Variants in GPCPD1 observed in about 807,000 individuals in gnomAD.
The protein encoded by GPCPD1 is glycerophosphocholine phosphodiesterase GPCPD1.
In GPCPD1, 29 loss-of-function variants were observed where a neutral mutation model predicts 89.2. The observed-to-expected ratio is 0.33, with a 90% CI of 0.24 to 0.44. GPCPD1 has a LOEUF of 0.44. Ranked by LOEUF, GPCPD1 falls within the 20% of genes least tolerant of loss-of-function variation. GPCPD1 has a pLI of 1.00. For synonymous variants in GPCPD1, 258 were observed against 266.3 expected (o/e 0.97, Z 0.30); for missense variants, 594 against 808.9 (o/e 0.73, Z 3.22).
At chr20:5,553,084 CTGTGTTTCTTACAAATTGAAGCTT>C (rs1985525239) in intron 19 of GPCPD1, among the ~76,000 whole-genome samples, 1 of 152,184 alleles carries the variant, frequency 6.6e-6, no homozygotes, top group Non-Finnish European at 1.5e-5. Context: ...TTTTCAGATA[CTGTGTTTCTTACAAATTGAAGCTT>C]TGTGACCACC....
rs1985347173 is a variant in GPCPD1 at position 5,550,528 on chromosome 20, T to C, written c.1830-2678A>G. Among the ~76,000 whole-genome samples, 5 of 152,300 alleles carry C rather than the reference T, an allele frequency of 3.3e-5. No individual in the cohort carries two copies. In the South Asian group the frequency reaches 1.0e-3, roughly 32 times the overall value. ...CCAGACCCACAAGAAAACACATCTC[T>C]ATAGAATTCCCAAACTCTGGTAATA... On this transcript the variant is annotated intron_variant, in intron 19 of 19. Transcript: ENST00000379019.
chr20:5,565,167 GGAAA>G (rs1251658498), intron 14 of GPCPD1, 89 bp from the exon 15 acceptor site: 2 of 746,042 alleles, frequency 2.7e-6, no homozygotes, highest in East Asian at 2.5e-5. Context: ...AAAAAAACAG[GGAAA>G]GAGAGAGAGA....
In GPCPD1 at chr20:5,575,952, C is replaced by T. The variant is rs753417437; in HGVS notation, c.732G>A (p.Gln244=). The change falls in exon 9 of 20, where the codon CAG becomes CAA. Residue 244 remains glutamine, a synonymous_variant. Transcript: ENST00000379019. ...CCACATGTCCAGGAAGGGCATCACC[C>T]TGAACTACGTGCTCACTGAGATCTT... ...FEEDLSEHVV[Q]GDALPGHVGT... The T allele has an allele frequency of 1.3e-6, 2 of 1,599,438 alleles. No homozygotes were observed. Among genetic ancestry groups the T allele is most frequent in the South Asian group, 2.2e-5 (2 of 90,024 alleles).
At chr20:5,597,849 T>C (rs750630927) in intron 3 of GPCPD1, among the ~76,000 whole-genome samples, 9 of 152,230 alleles carry the variant, frequency 5.9e-5, no homozygotes, top group Non-Finnish European at 1.2e-4. Context: ...AGTTTACTGA[T>C]GGATTCAATG....
At chr20:5,597,873 C>T (rs1979841438) in intron 3 of GPCPD1, among the ~76,000 whole-genome samples, 2 of 152,190 alleles carry the variant, frequency 1.3e-5, no homozygotes, top group Admixed American at 1.3e-4. Context: ...CTAGTGAATA[C>T]ATTTCTTCAT....
At chr20:5,573,743 CA>C (rs1377268066) in intron 11 of GPCPD1, among the ~76,000 whole-genome samples, 171 bp downstream of exon 11, 2 of 150,206 alleles carry the variant, frequency 1.3e-5, no homozygotes. Flanking sequence ...GACCCTGTCT[CA>C]AAAAAAAAGA....
intron 4 of GPCPD1, among the ~76,000 whole-genome samples, chr20:5,588,020 C>T (rs959327258): frequency 6.6e-6 from 1 of 152,222 alleles, no homozygotes; most frequent in African/African-American, 2.4e-5. Flanking sequence ...TAATAGTTCA[C>T]CTTAATTGGT....
chr20:5,557,982 A>G lies in GPCPD1; in HGVS notation c.1792T>C (p.Leu598=). 2 of 1,602,436 alleles carry G rather than the reference A, an allele frequency of 1.2e-6. No homozygotes were observed. The highest frequency in any genetic ancestry group is 3.4e-5 in the Admixed American group (2 of 59,610). ...AGACCATTAACTCCAAGTTCCTTCA[A>G]TTTCCTTCTGTTTTCAGGATCATTG... ...DTNDPENRRK[L]KELGVNGLIY... The change falls in exon 19 of 20, where the codon TTG becomes CTG. Residue 598 remains leucine, a synonymous_variant. Transcript: ENST00000379019.
intron 6 of GPCPD1, among the ~76,000 whole-genome samples, chr20:5,582,731 A>G (rs1978627637): frequency 6.6e-6 from 1 of 151,934 alleles, no homozygotes; most frequent in African/African-American, 2.4e-5. Context: ...TCTACTAAAA[A>G]TACAAAAATT....
In GPCPD1 at chr20:5,547,219, C is replaced by A. The variant is rs1226894171; in HGVS notation, c.*442G>T. ...ATTTGTGCAGTTGGAATCACCAGTGCAAATGCATGCATTTGAGGTACTTAT... is the reference window on the plus strand; with the variant it reads ...ATTTGTGCAGTTGGAATCACCAGTGAAAATGCATGCATTTGAGGTACTTAT... On this transcript the variant is annotated 3_prime_UTR_variant, in exon 20 of 20. Transcript: ENST00000379019. The A allele has an allele frequency of 6.6e-6, 1 of 152,556 alleles. No individual in the cohort carries two copies. The highest frequency in any genetic ancestry group is 2.1e-4 in the South Asian group (1 of 4,830). 9.5% of individuals were successfully genotyped at this position (152,556 alleles called of 1,614,324 possible).
At chr20:5,576,055 A>C in intron 8 of GPCPD1, 77 bp from the exon 9 acceptor site, 1 of 601,202 alleles carries the variant, frequency 1.7e-6, no homozygotes, top group Non-Finnish European at 3.0e-6. Context: ...ACACACACAC[A>C]CACACAGACA....
At chr20:5,550,299 A>C (rs1282074822) in intron 19 of GPCPD1, among the ~76,000 whole-genome samples, 1 of 151,098 alleles carries the variant, frequency 6.6e-6, no homozygotes, top group Non-Finnish European at 1.5e-5. Flanking sequence ...AAAAAAAAAA[A>C]AGACAAAATA....
chr20:5,549,525 C>A, intron 19 of GPCPD1: 1 of 1,041,048 alleles, frequency 9.6e-7, no homozygotes. Flanking sequence ...TCATAAGAGA[C>A]CAAGTCAAGC....
In GPCPD1 at chr20:5,584,276, CT is replaced by C; in HGVS notation, c.349+4del. ...TAAACATTTAAGTAAGTCAGTCTCA[CT>C]TACTGTGGATTCCAAATTGTCCATC... is the stretch of plus-strand genomic sequence containing the variant. On this transcript the variant is annotated splice_donor_region_variant and intron_variant, in intron 6 of 19. Coordinates refer to ENST00000379019, the MANE Select transcript of GPCPD1 (RefSeq NM_019593.5). The C allele has an allele frequency of 7.5e-7, 1 of 1,336,466 alleles. No homozygotes were observed. The allele number at this position is 1,336,466 out of a possible 1,614,324, so 82.8% of individuals were successfully genotyped here.
At chr20:5,561,628 T>A in intron 15 of GPCPD1, 98 bp from the exon 16 acceptor site, 1 of 613,318 alleles carries the variant, frequency 1.6e-6, no homozygotes. Flanking sequence ...TAATAAGAAT[T>A]TATCATTAGT....
Position 5,565,139 on chromosome 20 carries a change from C to A in GPCPD1, c.1268-61G>T, listed in dbSNP as rs147618506. 4.3e-5 allele frequency: 37 copies of A among 851,260 alleles called. No individual in the cohort carries two copies. In the African/African-American group the frequency reaches 5.4e-4, roughly 12 times the overall value. 52.7% of individuals were successfully genotyped at this position (851,260 alleles called of 1,614,324 possible). ...ATGCCACTATATCACTAAGAGCTTTCTTAAATCCTTAGTGCCAAAAAAAAC... is the reference window on the plus strand; with the variant it reads ...ATGCCACTATATCACTAAGAGCTTTATTAAATCCTTAGTGCCAAAAAAAAC... On this transcript the variant is annotated intron_variant, in intron 14 of 19. Coordinates refer to ENST00000379019, the MANE Select transcript of GPCPD1 (RefSeq NM_019593.5).
intron 3 of GPCPD1, among the ~76,000 whole-genome samples, chr20:5,595,808 G>C (rs200187835): frequency 8.6e-5 from 13 of 150,938 alleles, no homozygotes; most frequent in South Asian, 2.1e-4. Context: ...AGAAAAAAAG[G>C]GGGGGGGACA....
In GPCPD1 at chr20:5,547,365, G is replaced by A. The variant is rs1985080074; in HGVS notation, c.*296C>T. Reference sequence around the variant, plus strand: ...AGCTATTTATATAGTTAATTTCAAAGTGCTATGCTTTTAATGAACATATGT... The same window carrying A: ...AGCTATTTATATAGTTAATTTCAAAATGCTATGCTTTTAATGAACATATGT... On this transcript the variant is annotated 3_prime_UTR_variant, in exon 20 of 20. Transcript: ENST00000379019. 1 of 168,678 alleles carries A rather than the reference G, an allele frequency of 5.9e-6. No homozygotes were observed. Among genetic ancestry groups the A allele is most frequent in the Non-Finnish European group, 1.3e-5 (1 of 79,236 alleles). The allele number at this position is 168,678 out of a possible 1,614,324, so 10.4% of individuals were successfully genotyped here.
chr20:5,589,676 C>A (rs1979188916), intron 4 of GPCPD1, among the ~76,000 whole-genome samples: 1 of 152,150 alleles, frequency 6.6e-6, no homozygotes, highest in Non-Finnish European at 1.5e-5. Flanking sequence ...AACATGCAAT[C>A]CTTTCATTTA....
Sources: gnomAD v4.1 joint callset for allele counts (sites outside exome capture counted in the v4.1 genomes callset) on GRCh38, gnomAD v4.1.1 for gene constraint, MANE v1.5 for transcripts, NCBI Gene and HGNC (gene_info 2026-07-23, HGNC 2026-07-21) for gene names.